Variants in DOCK2 observed in about 807,000 individuals in gnomAD.
DOCK2 encodes the protein dedicator of cytokinesis protein 2.
Under a neutral mutation model 248.9 loss-of-function variants are expected in DOCK2, and 87 were observed. The ratio of observed to expected loss-of-function variants is 0.35; its 90% confidence interval spans 0.29 to 0.42. The LOEUF (loss-of-function observed/expected upper bound fraction) is 0.42, where lower values mean the gene tolerates loss of function less well. DOCK2 is among the 10% of genes least tolerant of loss of function. The pLI, the probability that DOCK2 is intolerant of heterozygous loss-of-function variation, is 1.00. For synonymous variants in DOCK2, 805 were observed against 821.6 expected, an observed-to-expected ratio of 0.98 and a Z score of 0.35; for missense variants, 1,747 against 2,300.2, an observed-to-expected ratio of 0.76 and a Z score of 4.92.
chr5:170,006,595 G>T (rs992165692), intron 30 of DOCK2, among the ~76,000 whole-genome samples: 13 of 152,146 alleles, frequency 8.5e-5, no homozygotes, highest in East Asian at 1.9e-4. Flanking sequence ...ACTTTAAGGG[G>T]GCCATGAGCC....
intron 27 of DOCK2, among the ~76,000 whole-genome samples, chr5:169,935,661 G>A (rs533616562): frequency 3.3e-5 from 5 of 152,276 alleles, no homozygotes; most frequent in South Asian, 4.1e-4. Context: ...GAACGTTGCC[G>A]ATGCGGTGAA....
At chr5:169,908,371 G>C (rs1309757026) in intron 27 of DOCK2, among the ~76,000 whole-genome samples, 1 of 151,980 alleles carries the variant, frequency 6.6e-6, no homozygotes, top group Non-Finnish European at 1.5e-5. Context: ...ATGCATATAG[G>C]CATACTCATA....
intron 27 of DOCK2, among the ~76,000 whole-genome samples, chr5:169,867,986 A>G (rs932510805): frequency 6.6e-6 from 1 of 152,182 alleles, no homozygotes; most frequent in Admixed American, 6.5e-5. Context: ...TATATTCACA[A>G]TGCTCCTAGC....
chr5:169,680,930 A>G (rs35269792), intron 6 of DOCK2, among the ~76,000 whole-genome samples: 6,103 of 151,932 alleles, frequency 0.04, 176 homozygotes, highest in Non-Finnish European at 0.063. Context: ...TATTTGTTTT[A>G]TTGTTATTTA....
Position 169,979,406 on chromosome 5 carries a change from T to C in DOCK2, c.2800-3662T>C, listed in dbSNP as rs563641370. ...ACACAAATGCCATTTTTGAGGAAAC[T>C]ACTGAAAAAGAGACACACATCAGAG... On this transcript the variant is annotated intron_variant, in intron 27 of 51. Coordinates refer to ENST00000520908, the MANE Select transcript of DOCK2 (RefSeq NM_004946.3). Among the ~76,000 whole-genome samples the C allele has an allele frequency of 3.3e-5, 5 of 152,324 alleles. No homozygotes were observed. The East Asian group carries it at 9.6e-4, about 29-fold the overall frequency.
chr5:169,917,557 G>A (rs1344978228), intron 27 of DOCK2, among the ~76,000 whole-genome samples: 1 of 152,176 alleles, frequency 6.6e-6, no homozygotes, highest in African/African-American at 2.4e-5. Flanking sequence ...AGAAGTGTAG[G>A]ATAAAATGAA....
intron 39 of DOCK2, among the ~76,000 whole-genome samples, chr5:170,046,341 G>A (rs532690412): frequency 6.6e-6 from 1 of 152,204 alleles, no homozygotes; most frequent in Non-Finnish European, 1.5e-5. Context: ...AGGATTTGGT[G>A]GGGGAAGTGG....
intron 22 of DOCK2, among the ~76,000 whole-genome samples, chr5:169,727,657 G>A (rs1279426032): frequency 3.3e-5 from 5 of 152,140 alleles, no homozygotes; most frequent in Admixed American, 6.5e-5. Context: ...ATTGGGATCA[G>A]ATAAAACTAT....
intron 27 of DOCK2, among the ~76,000 whole-genome samples, chr5:169,973,946 A>G (rs1275351997): frequency 1.3e-5 from 2 of 152,190 alleles, no homozygotes; most frequent in Non-Finnish European, 2.9e-5. Context: ...TAGGCACAAG[A>G]GATGTCAATG....
chr5:169,759,667 T>G, intron 23 of DOCK2, 38 bp from the exon 24 acceptor site: 2 of 1,611,344 alleles, frequency 1.2e-6, no homozygotes, highest in African/African-American at 2.7e-5. Flanking sequence ...GACTTGTTGA[T>G]GTGAGGATCA....
chr5:169,734,541 G>A (rs902465226), intron 22 of DOCK2, among the ~76,000 whole-genome samples: 1 of 151,976 alleles, frequency 6.6e-6, no homozygotes, highest in African/African-American at 2.4e-5. Context: ...TCATTCACCT[G>A]GGGCAATACC....
chr5:169,938,503 T>C lies in DOCK2; in HGVS notation c.2800-44565T>C, dbSNP rs369051518. Among the ~76,000 whole-genome samples the C allele has an allele frequency of 1.1e-4, 17 of 152,324 alleles. No homozygotes were observed. The East Asian group carries it at 3.3e-3, about 29-fold the overall frequency. ...GGCAATTAGAACACATTGGTAAATG[T>C]AATGTGTTTTTCTAAACATAGAAAA... On this transcript the variant is annotated intron_variant, in intron 27 of 51. Coordinates refer to ENST00000520908, the MANE Select transcript of DOCK2 (RefSeq NM_004946.3).
chr5:169,757,724 T>A (rs1457330117), intron 23 of DOCK2, among the ~76,000 whole-genome samples: 2 of 152,060 alleles, frequency 1.3e-5, no homozygotes, highest in African/African-American at 4.8e-5. Flanking sequence ...TGAAAAATTT[T>A]AAAAACCAAT....
chr5:169,699,136 A>G (rs941553760), intron 11 of DOCK2, among the ~76,000 whole-genome samples: 6 of 152,228 alleles, frequency 3.9e-5, no homozygotes, highest in African/African-American at 7.2e-5. Flanking sequence ...TCCTACCTTT[A>G]TAAGCATCTT....
At chr5:170,059,223 C>T (rs1468158762) in intron 44 of DOCK2, among the ~76,000 whole-genome samples, 2 of 137,094 alleles carry the variant, frequency 1.5e-5, no homozygotes, top group African/African-American at 5.3e-5. Flanking sequence ...AAGGAAGTGT[C>T]TGTGCCCTTG....
At chr5:170,033,501 A>C (rs757298783) in intron 34 of DOCK2, among the ~76,000 whole-genome samples, 1 of 152,164 alleles carries the variant, frequency 6.6e-6, no homozygotes, top group Non-Finnish European at 1.5e-5. Flanking sequence ...CTGACTGTAC[A>C]TGGCACTTTA....
chr5:170,047,244 A>C (rs1294506078), intron 39 of DOCK2, among the ~76,000 whole-genome samples: 2 of 152,154 alleles, frequency 1.3e-5, no homozygotes, highest in Non-Finnish European at 2.9e-5. Flanking sequence ...CCATTTCTTT[A>C]TCTGCAAAAT....
intron 27 of DOCK2, among the ~76,000 whole-genome samples, chr5:169,865,774 G>T (rs1438663201): frequency 6.6e-6 from 1 of 152,210 alleles, no homozygotes; most frequent in Non-Finnish European, 1.5e-5. Context: ...GCATCTGGGA[G>T]ACCAAAGACC....
At chr5:169,960,460 G>C (rs891151710) in intron 27 of DOCK2, among the ~76,000 whole-genome samples, 1 of 152,186 alleles carries the variant, frequency 6.6e-6, no homozygotes, top group Non-Finnish European at 1.5e-5. Context: ...CTTTTGGGAA[G>C]TGAGTAGGCT....
Sources: allele counts gnomAD v4.1 joint callset (sites outside exome capture counted in the v4.1 genomes callset), GRCh38; gene constraint gnomAD v4.1.1; transcripts MANE v1.5; gene names NCBI Gene and HGNC (gene_info 2026-07-23, HGNC 2026-07-21).